The following PLD5 variants were observed in gnomAD, a reference collection of about 807,000 sequenced individuals.
PLD5 encodes the protein inactive phospholipase D5.
Under a neutral mutation model 61.1 loss-of-function variants are expected in PLD5, and 36 were observed. The observed-to-expected ratio is 0.59, with a 90% confidence interval of 0.45 to 0.78. The LOEUF is 0.78. PLD5 is among the 30% of genes least tolerant of loss of function. The pLI is 0.00. For synonymous variants in PLD5, 243 were observed against 242.8 expected, an observed-to-expected ratio of 1.00 and a Z score of -0.01; for missense variants, 515 against 644.4, an observed-to-expected ratio of 0.80 and a Z score of 2.17.
chr1:242,486,663 G>C (rs1306397699), intron 1 of PLD5, among the ~76,000 whole-genome samples: 1 of 152,112 alleles, frequency 6.6e-6, no homozygotes, highest in Non-Finnish European at 1.5e-5. Context: ...CGATTCCTCA[G>C]GGATCTAGAA....
intron 1 of PLD5, among the ~76,000 whole-genome samples, chr1:242,412,357 G>A (rs573825670): frequency 6.6e-6 from 1 of 152,242 alleles, no homozygotes; most frequent in South Asian, 2.1e-4. Context: ...TTATTTCTCA[G>A]TATGTTACAA....
rs146041615 is a variant in PLD5, at chr1:242,378,052, C to G, written c.190-29810G>C. 1.4e-4 allele frequency among the ~76,000 whole-genome samples: 21 copies of G among 152,222 alleles called. 1 individual carries two copies. The highest frequency in any genetic ancestry group is 4.8e-4 in the African/African-American group (20 of 41,520). On this transcript the variant is annotated intron_variant, in intron 1 of 9. Transcript: ENST00000536534. ...AAAGAATGGAAAGCAGGGACTCAAACAGAGAAATGTACAACAATGTTCATA... is the reference window on the plus strand; with the variant it reads ...AAAGAATGGAAAGCAGGGACTCAAAGAGAGAAATGTACAACAATGTTCATA...
rs1673437958 is a variant in PLD5, at chr1:242,262,623, G to A, written c.607+2714C>T. ...GAGACCTGAAATAAGGCAGGTATGT[G>A]AGGAGGAAATGTGGTATCTAGAAGA... On this transcript the variant is annotated intron_variant, in intron 4 of 9. Transcript: ENST00000536534. 3.3e-5 allele frequency among the ~76,000 whole-genome samples: 5 copies of A among 152,228 alleles called. No individual in the cohort carries two copies. In the South Asian group the frequency reaches 1.0e-3, roughly 32 times the overall value.
rs370562170 is a variant in PLD5, at chr1:242,265,697, C to T, written c.496-249G>A. On this transcript the variant is annotated intron_variant, in intron 3 of 9. Coordinates refer to ENST00000536534, the MANE Select transcript of PLD5 (RefSeq NM_001372062.1). Reference sequence around the variant, plus strand: ...TGAACAATTATTGCAATAAGAATTCCAATGCTACAATGCAAATCTACCCTT... The same window carrying T: ...TGAACAATTATTGCAATAAGAATTCTAATGCTACAATGCAAATCTACCCTT... Among the ~76,000 whole-genome samples the T allele has an allele frequency of 7.9e-5, 12 of 152,194 alleles. No homozygotes were observed. The East Asian group carries it at 1.2e-3, about 15-fold the overall frequency.
At chr1:242,402,374 C>T (rs1663987453) in intron 1 of PLD5, among the ~76,000 whole-genome samples, 1 of 151,978 alleles carries the variant, frequency 6.6e-6, no homozygotes, top group Non-Finnish European at 1.5e-5. Context: ...TTTATGATTT[C>T]TTGTGCATTA....
In PLD5 at chr1:242,431,482, C is replaced by T. The variant is rs574905341; in HGVS notation, c.190-83240G>A. ...GCCTAAGCTCTTCCTATTTCACTCT[C>T]GCTTGCCTCTCAAACGATAAAATAT... is the stretch of plus-strand genomic sequence containing the variant. On this transcript the variant is annotated intron_variant, in intron 1 of 9. Transcript: ENST00000536534. 3.9e-5 allele frequency among the ~76,000 whole-genome samples: 6 copies of T among 152,334 alleles called. No homozygotes were observed. The South Asian group carries it at 6.2e-4, about 16-fold the overall frequency.
At chr1:242,471,802 C>A (rs896975012) in intron 1 of PLD5, among the ~76,000 whole-genome samples, 2 of 152,064 alleles carry the variant, frequency 1.3e-5, no homozygotes, top group African/African-American at 2.4e-5. Context: ...AACTTTGAAG[C>A]CAATCAAGTT....
chr1:242,096,248 G>A (rs1483808132), intron 9 of PLD5, among the ~76,000 whole-genome samples: 2 of 150,890 alleles, frequency 1.3e-5, no homozygotes, highest in East Asian at 4.0e-4. Flanking sequence ...GTGAGCCACT[G>A]CACCCAGTCA....
chr1:242,441,050 T>G (rs977754062), intron 1 of PLD5, among the ~76,000 whole-genome samples: 1 of 152,228 alleles, frequency 6.6e-6, no homozygotes, highest in Non-Finnish European at 1.5e-5. Flanking sequence ...TGAGTTGTAT[T>G]TATTGGTATG....
intron 6 of PLD5, among the ~76,000 whole-genome samples, chr1:242,119,495 C>T (rs943358718): frequency 6.6e-6 from 1 of 152,198 alleles, no homozygotes; most frequent in East Asian, 1.9e-4. Flanking sequence ...TCTTACAACA[C>T]AAATTTTTTA....
At chr1:242,298,270 A>G (rs567732589) in intron 2 of PLD5, among the ~76,000 whole-genome samples, 10 of 152,336 alleles carry the variant, frequency 6.6e-5, no homozygotes, top group Admixed American at 5.9e-4. Context: ...GTGAAGAACA[A>G]CTATGGTTTG....
At chr1:242,148,853 T>C (rs1415111358) in intron 5 of PLD5, among the ~76,000 whole-genome samples, 6 of 151,922 alleles carry the variant, frequency 3.9e-5, no homozygotes, top group Non-Finnish European at 8.8e-5. Flanking sequence ...GAAACATTAA[T>C]TTTTGTATAC....
Position 242,233,232 on chromosome 1 carries a change from A to T in PLD5, c.608-13117T>A, listed in dbSNP as rs56935956. ...CATGTTAATTTGAGCTTGGTCACTG[A>T]AAGAAAATTAGGTCATTCTTTGGTC... On this transcript the variant is annotated intron_variant, in intron 4 of 9. Coordinates refer to ENST00000536534, the MANE Select transcript of PLD5 (RefSeq NM_001372062.1). Among the ~76,000 whole-genome samples the T allele has an allele frequency of 5.3e-3, 814 of 152,292 alleles. 10 individuals carry two copies. Among genetic ancestry groups the T allele is most frequent in the African/African-American group, 0.019 (772 of 41,560 alleles).
chr1:242,482,795 G>A (rs553330630), intron 1 of PLD5, among the ~76,000 whole-genome samples: 1 of 152,298 alleles, frequency 6.6e-6, no homozygotes, highest in East Asian at 1.9e-4. Context: ...AAAATGTTAA[G>A]GGCAGCCAGA....
intron 1 of PLD5, among the ~76,000 whole-genome samples, chr1:242,424,753 G>C (rs1262390287): frequency 1.3e-5 from 2 of 152,180 alleles, no homozygotes; most frequent in African/African-American, 4.8e-5. Context: ...TTGTACAGCA[G>C]CTCACAGACA....
chr1:242,250,576 A>G (rs965539076), intron 4 of PLD5, among the ~76,000 whole-genome samples: 1 of 152,216 alleles, frequency 6.6e-6, no homozygotes, highest in African/African-American at 2.4e-5. Flanking sequence ...TTAAATTTAA[A>G]TCGATACATT....
chr1:242,501,982 C>G (rs1228401088), intron 1 of PLD5, among the ~76,000 whole-genome samples: 1 of 151,988 alleles, frequency 6.6e-6, no homozygotes, highest in African/African-American at 2.4e-5. Flanking sequence ...AAATATCATT[C>G]AAGGAGAGGG....
At chr1:242,481,604 G>T (rs976951904) in intron 1 of PLD5, among the ~76,000 whole-genome samples, 4 of 152,216 alleles carry the variant, frequency 2.6e-5, no homozygotes, top group Admixed American at 2.6e-4. Context: ...AAGGAGGCCT[G>T]CCTGCCTCTG....
intron 6 of PLD5, among the ~76,000 whole-genome samples, chr1:242,122,396 C>A (rs942624054): frequency 6.6e-6 from 1 of 152,166 alleles, no homozygotes; most frequent in East Asian, 1.9e-4. Context: ...AGTGATTATT[C>A]AAAATTTGTT....
Sources: allele counts gnomAD v4.1 joint callset (sites outside exome capture counted in the v4.1 genomes callset), GRCh38; gene constraint gnomAD v4.1.1; transcripts MANE v1.5; gene names NCBI Gene and HGNC (gene_info 2026-07-23, HGNC 2026-07-21).